The following PCNT variants were observed in gnomAD, a reference collection of about 807,000 sequenced individuals.
PCNT encodes kendrin.
PCNT carries 319 observed loss-of-function variants against 380.4 expected under a neutral mutation model. The observed-to-expected ratio is 0.84, with a 90% CI of 0.77 to 0.92. The LOEUF is 0.92. Among genes scored for constraint, PCNT ranks in the 40% least tolerant of loss-of-function variants. The probability of loss-of-function intolerance (pLI) is 0.00; values close to 1 mark genes in which losing one functional copy is unlikely to be tolerated. For synonymous variants in PCNT, 1,845 were observed against 1,735.2 expected (o/e 1.06, Z -1.57); for missense variants, 4,400 against 4,255.3 (o/e 1.03, Z -0.95).
intron 15 of PCNT, among the ~76,000 whole-genome samples, chr21:46,373,922 G>A (rs1222061067): frequency 1.3e-5 from 2 of 151,688 alleles, no homozygotes; most frequent in African/African-American, 4.8e-5. Flanking sequence ...TAGAAACAGC[G>A]TTTCACCATG....
chr21:46,346,002 C>G (rs2084053870), intron 3 of PCNT, 126 bp from the exon 4 acceptor site: 12 of 879,494 alleles, frequency 1.4e-5, no homozygotes, highest in South Asian at 5.4e-5. Context: ...CTGGCCGTTG[C>G]GAGTGGTGCT....
At chr21:46,429,284 C>A (rs1336219745) in intron 35 of PCNT, among the ~76,000 whole-genome samples, 1 of 95,648 alleles carries the variant, frequency 1.0e-5, no homozygotes, top group Admixed American at 9.0e-5. Context: ...TTGTCAGGGG[C>A]ATGGGCGGGG....
At chr21:46,389,819 A>G (rs2085970527) in intron 19 of PCNT, among the ~76,000 whole-genome samples, 1 of 152,212 alleles carries the variant, frequency 6.6e-6, no homozygotes, top group African/African-American at 2.4e-5. Context: ...ACAGCGGCTC[A>G]CTCCTGCAGT....
chr21:46,436,933 C>A, intron 39 of PCNT, 46 bp from the exon 40 acceptor site: 2 of 1,349,380 alleles, frequency 1.5e-6, no homozygotes, highest in South Asian at 2.3e-5. Context: ...GCATAATGGT[C>A]ACTTGGGGCG....
At chr21:46,394,541 G>A (rs189016923) in intron 21 of PCNT, 2 of 985,032 alleles carry the variant, frequency 2.0e-6, no homozygotes, top group African/African-American at 3.5e-5. Context: ...ACTCAGGTTT[G>A]TAAAGACAAA....
At chr21:46,395,403 C>T (rs1002813400) in intron 21 of PCNT, among the ~76,000 whole-genome samples, 1 of 151,446 alleles carries the variant, frequency 6.6e-6, no homozygotes, top group Non-Finnish European at 1.5e-5. Flanking sequence ...CGGGACTCAG[C>T]AGCAGAGACT....
At chr21:46,426,804 C>T (rs965709515) in intron 33 of PCNT, among the ~76,000 whole-genome samples, 5 of 152,224 alleles carry the variant, frequency 3.3e-5, no homozygotes, top group East Asian at 1.9e-4. Context: ...CAACTCCCAT[C>T]ACGCTCCCTC....
At chr21:46,360,077 A>G (rs2084649053) in intron 13 of PCNT, among the ~76,000 whole-genome samples, 2 of 151,668 alleles carry the variant, frequency 1.3e-5, no homozygotes, top group South Asian at 4.2e-4. Context: ...GGCTGGTCTC[A>G]AGCTCTTGGG....
chr21:46,379,338 G>A (rs902375078), intron 15 of PCNT, among the ~76,000 whole-genome samples: 9 of 152,266 alleles, frequency 5.9e-5, no homozygotes, highest in Admixed American at 2.6e-4. Flanking sequence ...CTGGGGCTAC[G>A]TGTCTTGAGC....
In PCNT at chr21:46,388,127, G is replaced by A. The variant is rs1027563646; in HGVS notation, c.3465-615G>A. Among the ~76,000 whole-genome samples the A allele has an allele frequency of 1.3e-5, 2 of 152,128 alleles. No homozygotes were observed. The highest frequency in any genetic ancestry group is 3.4e-3 in the Middle Eastern group (1 of 294). ...CGGGAGGCTGAGGCAGGAGAAAGGC[G>A]TGAACCCGGGAGGTGGAGCTTGCAG... is the stretch of plus-strand genomic sequence containing the variant. On this transcript the variant is annotated intron_variant, in intron 17 of 46. Transcript: ENST00000359568. The surrounding 1 kb of genome is among the most constrained non-coding windows in gnomAD (Gnocchi z 4.2).
intron 17 of PCNT, among the ~76,000 whole-genome samples, chr21:46,386,931 C>T (rs1315667372): frequency 3.9e-5 from 6 of 152,136 alleles, no homozygotes; most frequent in African/African-American, 7.2e-5. Context: ...GCCTCTGTGT[C>T]CTGCTGCTGC....
chr21:46,444,649 T>TC, intron 45 of PCNT, 45 bp from the exon 46 acceptor site: 1 of 80,382 alleles, frequency 1.2e-5, no homozygotes. Flanking sequence ...ACTCAACTCT[T>TC]TTTTTTTTTT....
intron 8 of PCNT, among the ~76,000 whole-genome samples, chr21:46,351,189 C>T (rs904744825): frequency 6.6e-6 from 1 of 152,188 alleles, no homozygotes; most frequent in Admixed American, 6.5e-5. Context: ...TGAGACAGAC[C>T]TGGAAGTTCC....
Position 46,425,960 on chromosome 21 carries a change from G to C in PCNT, c.7309G>C (p.Gly2437Arg), listed in dbSNP as rs148384323. ...DEIQDISLHG[G>R]KTQEVPTACP... The stretch of plus-strand genomic sequence containing the variant: ...GATACAGGACATCTCGCTCCATGGG[G>C]GAAAGACGCAGGTTTATTTTGCCCT... Residue 2437 changes from glycine to arginine, a missense_variant, in exon 33 of 47, where the codon GGA becomes CGA. Gly to Arg is a moderately radical substitution (Grantham distance 125). Transcript: ENST00000359568. This position sits in a 1 kb window ranked among gnomAD's most constrained non-coding sequence, Gnocchi z 4.2. 1.1e-3 allele frequency: 1,833 copies of C among 1,613,954 alleles called. No homozygotes were observed. The highest frequency in any genetic ancestry group is 1.5e-3 in the Non-Finnish European group (1,721 of 1,180,028).
chr21:46,442,628 T>A, intron 44 of PCNT, 55 bp downstream of exon 44: 1 of 1,087,740 alleles, frequency 9.2e-7, no homozygotes, highest in Non-Finnish European at 1.4e-6. Context: ...TTTCTACTCT[T>A]GTTTTTCATT....
In PCNT at chr21:46,353,994, T is replaced by C. The variant is rs765421453; in HGVS notation, c.1687T>C (p.Cys563Arg). Residue 563 changes from cysteine (C) to arginine (R), a missense_variant, in exon 11 of 47, where the codon TGT becomes CGT. By Grantham distance (180) the Cys-to-Arg change is radical. Transcript: ENST00000359568. ...LLDSVEVGLS[C>R]VGLEEKPEKG... Reference sequence around the variant, plus strand: ...AAAATGTTTTCCCTTCAGGTTGTCCTGTGTGGGTTTAGAAGAGAAACCTGA... The same window carrying C: ...AAAATGTTTTCCCTTCAGGTTGTCCCGTGTGGGTTTAGAAGAGAAACCTGA... 6 of 1,613,720 alleles carry C rather than the reference T, an allele frequency of 3.7e-6. No individual in the cohort carries two copies. The highest frequency in any genetic ancestry group is 2.2e-5 in the East Asian group (1 of 44,894).
intron 14 of PCNT, among the ~76,000 whole-genome samples, chr21:46,364,959 G>C (rs1192920331): frequency 2.6e-5 from 4 of 152,264 alleles, no homozygotes; most frequent in African/African-American, 9.6e-5. Flanking sequence ...TGTGTCGCCA[G>C]TGCCCATTGG....
chr21:46,379,701 C>G (rs1203877510), intron 15 of PCNT, among the ~76,000 whole-genome samples: 1 of 152,126 alleles, frequency 6.6e-6, no homozygotes, highest in Non-Finnish European at 1.5e-5. Context: ...TGTCTTCTGC[C>G]TGCTCGAGTC....
chr21:46,410,769 C>T (rs541177135), intron 27 of PCNT, among the ~76,000 whole-genome samples: 1 of 152,330 alleles, frequency 6.6e-6, no homozygotes, highest in East Asian at 1.9e-4. Flanking sequence ...CGGCTCACCG[C>T]TTTGTTGGTG....
Sources: allele counts gnomAD v4.1 joint callset (sites outside exome capture counted in the v4.1 genomes callset), GRCh38; gene constraint gnomAD v4.1.1; non-coding constraint Gnocchi (gnomAD v3.1); transcripts MANE v1.5; gene names NCBI Gene and HGNC (gene_info 2026-07-23, HGNC 2026-07-21).